The following CDK8 variants were observed in gnomAD, a reference collection of about 807,000 sequenced individuals.
CDK8 encodes the protein cyclin-dependent kinase 8.
A neutral mutation model predicts 71.5 loss-of-function variants in CDK8; 29 were observed. That is an observed-to-expected ratio of 0.41 (90% confidence interval 0.30 to 0.55). The LOEUF is 0.55. Among genes scored for constraint, CDK8 ranks in the 20% least tolerant of loss-of-function variants. CDK8 has a pLI of 0.37. For synonymous variants in CDK8, 161 were observed against 192.1 expected (o/e 0.84, Z 1.34); for missense variants, 288 against 572.6 (o/e 0.50, Z 5.07).
intron 1 of CDK8, among the ~76,000 whole-genome samples, chr13:26,309,442 A>G (rs1874186904): frequency 6.6e-6 from 1 of 151,942 alleles, no homozygotes. Flanking sequence ...CCTGGCCATC[A>G]TTTTATATTT....
intron 1 of CDK8, among the ~76,000 whole-genome samples, chr13:26,306,235 C>T (rs1874034152): frequency 6.6e-6 from 1 of 152,150 alleles, no homozygotes; most frequent in Non-Finnish European, 1.5e-5. Context: ...TCCTTGCATC[C>T]TTTCCTGTAT....
At chr13:26,327,980 ACTTTTG>A (rs2137957921) in intron 1 of CDK8, among the ~76,000 whole-genome samples, 1 of 146,254 alleles carries the variant, frequency 6.8e-6, no homozygotes, top group Non-Finnish European at 1.5e-5. Flanking sequence ...TTTTTTTTTA[ACTTTTG>A]CTTTCTTTCC....
At chr13:26,354,959 A>G (rs1308894991) in intron 4 of CDK8, among the ~76,000 whole-genome samples, 1 of 152,188 alleles carries the variant, frequency 6.6e-6, no homozygotes, top group Non-Finnish European at 1.5e-5. Context: ...AGGCACCTTC[A>G]TTTCAAACAA....
In CDK8 at chr13:26,378,455, G is replaced by A. The variant is rs114680742; in HGVS notation, c.457-4359G>A. 5.8e-3 allele frequency among the ~76,000 whole-genome samples: 886 copies of A among 152,222 alleles called. 4 individuals carry two copies. Among genetic ancestry groups the A allele is most frequent in the African/African-American group, 0.021 (855 of 41,546 alleles). On this transcript the variant is annotated intron_variant, in intron 4 of 12. Coordinates refer to ENST00000381527, the MANE Select transcript of CDK8 (RefSeq NM_001260.3). The stretch of plus-strand genomic sequence containing the variant: ...GCAGCAAAAAGAAGAAGAAAAGCCT[G>A]GGAGAAATAAAACAACAATTAGATA...
At chr13:26,362,262 G>A (rs1319414298) in intron 4 of CDK8, among the ~76,000 whole-genome samples, 1 of 148,386 alleles carries the variant, frequency 6.7e-6, no homozygotes, top group African/African-American at 2.6e-5. Flanking sequence ...ATGGATGGAT[G>A]GATGGATAGA....
At chr13:26,379,967 G>GA (rs796866534) in intron 4 of CDK8, among the ~76,000 whole-genome samples, 11 of 152,370 alleles carry the variant, frequency 7.2e-5, no homozygotes, top group African/African-American at 2.6e-4. Context: ...GTCAGGGACA[G>GA]AAAATGGCAT....
At chr13:26,284,041 C>A (rs1220978858) in intron 1 of CDK8, among the ~76,000 whole-genome samples, 1 of 152,164 alleles carries the variant, frequency 6.6e-6, no homozygotes, top group African/African-American at 2.4e-5. Context: ...TCTGAGTGAT[C>A]TTTGGCTTAA....
At position 26,254,620 on chromosome 13, in the gene CDK8, T is replaced by G; in HGVS notation, c.-22T>G. The stretch of plus-strand genomic sequence containing the variant: ...GCCCCCCGGCCCCCCGACCCAGCTC[T>G]CCGGCCTCAGAGGCTGTGACAATGG... On this transcript the variant is annotated 5_prime_UTR_variant, in exon 1 of 13. Coordinates refer to ENST00000381527, the MANE Select transcript of CDK8 (RefSeq NM_001260.3). This position sits in a 1 kb window ranked among gnomAD's most constrained non-coding sequence, Gnocchi z 6.7. The G allele has an allele frequency of 7.4e-7, 1 of 1,354,110 alleles. No individual in the cohort carries two copies. The highest frequency in any genetic ancestry group is 1.0e-6 in the Non-Finnish European group (1 of 970,654). 83.9% of individuals were successfully genotyped at this position (1,354,110 alleles called of 1,614,324 possible).
chr13:26,392,766 T>C (rs1163338754), intron 6 of CDK8, among the ~76,000 whole-genome samples: 2 of 152,220 alleles, frequency 1.3e-5, no homozygotes, highest in Non-Finnish European at 2.9e-5. Context: ...GTAGAAATGC[T>C]GTTAATTCTT....
Position 26,393,407 on chromosome 13 carries a change from G to A in CDK8, c.687G>A (p.Thr229=), listed in dbSNP as rs182781177. Residue 229 remains threonine (T), a synonymous_variant, in exon 7 of 13, where the codon ACG becomes ACA. Coordinates refer to ENST00000381527, the MANE Select transcript of CDK8 (RefSeq NM_001260.3). ...GGTGTATATTTGCAGAACTACTAAC[G>A]TCAGAACCAATATTTCACTGTCGAC... ...AIGCIFAELL[T]SEPIFHCRQE... is the part of the protein sequence containing the mutation. The A allele has an allele frequency of 5.0e-5, 81 of 1,609,776 alleles. No homozygotes were observed. The highest frequency in any genetic ancestry group is 4.7e-4 in the East Asian group (21 of 44,696).
At chr13:26,370,004 T>TA (rs1378809900) in intron 4 of CDK8, among the ~76,000 whole-genome samples, 1 of 152,170 alleles carries the variant, frequency 6.6e-6, no homozygotes, top group Non-Finnish European at 1.5e-5. Context: ...AGTAGATCAA[T>TA]AACTATGGAA....
At chr13:26,372,354 T>G (rs1369088724) in intron 4 of CDK8, among the ~76,000 whole-genome samples, 5 of 152,188 alleles carry the variant, frequency 3.3e-5, no homozygotes, top group African/African-American at 1.2e-4. Flanking sequence ...TTTAAACCAG[T>G]TGTTTGAAAG....
Position 26,374,478 on chromosome 13 carries a change from G to T in CDK8, c.457-8336G>T, listed in dbSNP as rs115341257. On this transcript the variant is annotated intron_variant, in intron 4 of 12. Transcript: ENST00000381527. ...TTAAGAACTGACAAATATCACTAAA[G>T]ATATGATAAATAGGCTGAATATAAA... 6.4e-3 allele frequency among the ~76,000 whole-genome samples: 969 copies of T among 152,098 alleles called. 10 individuals carry two copies. Among genetic ancestry groups the T allele is most frequent in the African/African-American group, 0.021 (866 of 41,502 alleles).
chr13:26,400,407 A>C (rs1295879550), intron 9 of CDK8, 46 bp from the exon 10 acceptor site: 1 of 1,127,068 alleles, frequency 8.9e-7, no homozygotes, highest in Non-Finnish European at 1.4e-6. Flanking sequence ...CTGAAAGATA[A>C]CTGTGAGAAG....
intron 1 of CDK8, among the ~76,000 whole-genome samples, chr13:26,263,839 T>C (rs1277585232): frequency 4.0e-5 from 6 of 150,862 alleles, no homozygotes; most frequent in African/African-American, 9.8e-5. Context: ...CTCCGTCTCC[T>C]GGGTTCACGC....
At chr13:26,315,452 G>A (rs932903734) in intron 1 of CDK8, among the ~76,000 whole-genome samples, 10 of 152,182 alleles carry the variant, frequency 6.6e-5, no homozygotes, top group African/African-American at 2.2e-4. Flanking sequence ...TTGTGTATGT[G>A]TGTATACACA....
intron 2 of CDK8, among the ~76,000 whole-genome samples, chr13:26,338,329 T>C (rs543456304): frequency 2.6e-5 from 4 of 152,236 alleles, no homozygotes; most frequent in Non-Finnish European, 4.4e-5. Context: ...CCTTCTATTA[T>C]ATTTACCCAT....
intron 1 of CDK8, among the ~76,000 whole-genome samples, chr13:26,317,782 C>G (rs1235010031): frequency 1.3e-5 from 2 of 151,962 alleles, no homozygotes. Context: ...ACTTATGGGA[C>G]ACAGCAAAAG....
chr13:26,271,310 A>G (rs1437551680), intron 1 of CDK8, among the ~76,000 whole-genome samples: 1 of 152,094 alleles, frequency 6.6e-6, no homozygotes, highest in Non-Finnish European at 1.5e-5. Context: ...GATTGTGTGA[A>G]CATCATAGAG....
Sources: gnomAD v4.1 joint callset for allele counts (sites outside exome capture counted in the v4.1 genomes callset) on GRCh38, gnomAD v4.1.1 for gene constraint, Gnocchi (gnomAD v3.1) non-coding constraint, MANE v1.5 for transcripts, NCBI Gene and HGNC (gene_info 2026-07-23, HGNC 2026-07-21) for gene names.